Variants in GLRB observed in about 807,000 individuals in gnomAD.
GLRB encodes glycine receptor subunit beta.
GLRB carries 33 observed loss-of-function variants against 54.2 expected under a neutral mutation model. The ratio of observed to expected loss-of-function variants is 0.61; its 90% CI spans 0.46 to 0.81. The LOEUF (loss-of-function observed/expected upper bound fraction) is 0.81. GLRB is among the 40% of genes least tolerant of loss of function. GLRB has a pLI of 0.00. For synonymous variants in GLRB, 209 were observed against 208.2 expected, an observed-to-expected ratio of 1.00 and a Z score of -0.03; for missense variants, 572 against 584.6, an observed-to-expected ratio of 0.98 and a Z score of 0.22.
intron 4 of GLRB, among the ~76,000 whole-genome samples, chr4:157,133,491 T>C (rs559903486): frequency 1.3e-5 from 2 of 152,110 alleles, no homozygotes; most frequent in East Asian, 3.9e-4. Context: ...GTTTTATGTT[T>C]ACATAGCCTT....
chr4:157,121,341 C>T (rs1308318685), intron 3 of GLRB, among the ~76,000 whole-genome samples: 3 of 151,344 alleles, frequency 2.0e-5, no homozygotes. Flanking sequence ...CTTTTTTGTA[C>T]TTTTGATGAA....
At chr4:157,163,409 G>A (rs755161811) in intron 9 of GLRB, among the ~76,000 whole-genome samples, 4 of 152,088 alleles carry the variant, frequency 2.6e-5, no homozygotes, top group Non-Finnish European at 5.9e-5. Context: ...CTCACTCTGG[G>A]AGGGGTAGAC....
intron 2 of GLRB, among the ~76,000 whole-genome samples, chr4:157,117,803 A>G (rs938224090): frequency 6.6e-6 from 1 of 151,734 alleles, no homozygotes; most frequent in Non-Finnish European, 1.5e-5. Flanking sequence ...ACAGATATAT[A>G]GAAGCCATGA....
Position 157,158,303 on chromosome 4 carries a change from T to C in GLRB, c.1197+5293T>C, listed in dbSNP as rs566860320. On this transcript the variant is annotated intron_variant, in intron 9 of 9. Transcript: ENST00000264428. Reference sequence around the variant, plus strand: ...GGTTGCCTGTTCACTCTGATGGTGGTTTCTTTTGCTGTGCAGAAGCTCTTT... The same window carrying C: ...GGTTGCCTGTTCACTCTGATGGTGGCTTCTTTTGCTGTGCAGAAGCTCTTT... Among the ~76,000 whole-genome samples, 73 of 152,302 alleles carry C rather than the reference T, an allele frequency of 4.8e-4. 2 individuals carry two copies. In the South Asian group the frequency reaches 0.015, roughly 32 times the overall value.
chr4:157,077,528 G>GA (rs1734082063), intron 1 of GLRB, among the ~76,000 whole-genome samples: 1 of 151,278 alleles, frequency 6.6e-6, no homozygotes, highest in African/African-American at 2.4e-5. Context: ...CATTATTTTT[G>GA]AAAAAATATA....
At chr4:157,138,731 A>G (rs1175116404) in intron 6 of GLRB, 78 bp from the exon 7 acceptor site, 1 of 780,652 alleles carries the variant, frequency 1.3e-6, no homozygotes, top group South Asian at 1.7e-5. Flanking sequence ...TGCTATGTTT[A>G]AGATTTGAAT....
At chr4:157,082,005 A>T (rs570973426) in intron 2 of GLRB, among the ~76,000 whole-genome samples, 1 of 152,236 alleles carries the variant, frequency 6.6e-6, no homozygotes, top group East Asian at 1.9e-4. Flanking sequence ...GCTCTTTCAC[A>T]TCTCTGCAAG....
Position 157,170,674 on chromosome 4 carries a change from G to T in GLRB, c.1440G>T (p.Leu480Phe). ...AKRIDLYARA[L>F]FPFCFLFFNV... is the part of the protein sequence containing the mutation. Reference sequence around the variant, plus strand: ...GAATTGATCTTTATGCAAGAGCATTGTTTCCTTTCTGCTTCTTGTTCTTCA... The same window carrying T: ...GAATTGATCTTTATGCAAGAGCATTTTTTCCTTTCTGCTTCTTGTTCTTCA... The change falls in exon 10 of 10, where the codon TTG (leucine) becomes TTT (phenylalanine). Residue 480 changes from leucine to phenylalanine, a missense_variant. Transcript: ENST00000264428. 6.2e-7 allele frequency: 1 copy of T among 1,605,006 alleles called. No individual in the cohort carries two copies. Among genetic ancestry groups the T allele is most frequent in the East Asian group, 2.2e-5 (1 of 44,836 alleles).
rs1366587073 is a variant in GLRB at position 157,143,826 on chromosome 4, A to C, written c.771A>C (p.Glu257Asp). The C allele has an allele frequency of 6.2e-7, 1 of 1,613,542 alleles. No individual in the cohort carries two copies. The highest frequency in any genetic ancestry group is 1.1e-5 in the South Asian group (1 of 91,032). Residue 257 changes from glutamate to aspartate, a missense_variant, in exon 8 of 10, where the codon GAA (glutamate) becomes GAC (aspartate). Transcript: ENST00000264428. ...YKGTGYYTCV[E>D]VIFTLRRQVG... Reference sequence around the variant, plus strand: ...TGAAAGGCTACTACACATGCGTGGAAGTCATCTTCACCCTGAGGAGGCAGG... The same window carrying C: ...TGAAAGGCTACTACACATGCGTGGACGTCATCTTCACCCTGAGGAGGCAGG...
At chr4:157,113,901 A>C (rs1735511055) in intron 2 of GLRB, among the ~76,000 whole-genome samples, 1 of 151,988 alleles carries the variant, frequency 6.6e-6, no homozygotes. Flanking sequence ...TTACAGTTTA[A>C]TCTGTGAAAA....
Position 157,079,060 on chromosome 4 carries a change from C to T in GLRB, c.122+914C>T, listed in dbSNP as rs143608842. ...AAGTGCTGGGATTACAGGCGTGGTT[C>T]ACCGCACCTGGCCAAGTCTTTTTTT... On this transcript the variant is annotated intron_variant, in intron 2 of 9. Transcript: ENST00000264428. Among the ~76,000 whole-genome samples the T allele has an allele frequency of 1.9e-3, 291 of 152,316 alleles. 1 individual carries two copies. The highest frequency in any genetic ancestry group is 4.9e-3 in the African/African-American group (205 of 41,570).
chr4:157,137,732 A>T (rs1343296167), intron 6 of GLRB, among the ~76,000 whole-genome samples: 7 of 152,154 alleles, frequency 4.6e-5, no homozygotes, highest in African/African-American at 1.4e-4. Flanking sequence ...GTATGTGTTT[A>T]TATGTTTGCA....
chr4:157,128,397 A>G (rs1186267173), intron 4 of GLRB, among the ~76,000 whole-genome samples: 1 of 151,858 alleles, frequency 6.6e-6, no homozygotes, highest in Non-Finnish European at 1.5e-5. Flanking sequence ...AAAAATGTCC[A>G]AGTTTTGTTT....
chr4:157,151,667 A>C (rs765615787), intron 8 of GLRB, among the ~76,000 whole-genome samples: 1 of 152,096 alleles, frequency 6.6e-6, no homozygotes, highest in Non-Finnish European at 1.5e-5. Context: ...TATATTTTTC[A>C]ATGTTTAACT....
intron 9 of GLRB, among the ~76,000 whole-genome samples, chr4:157,155,243 C>T (rs1737182863): frequency 6.6e-6 from 1 of 152,158 alleles, no homozygotes; most frequent in Admixed American, 6.6e-5. Flanking sequence ...ATCCTCCCAC[C>T]TAAGCCTCCC....
intron 2 of GLRB, among the ~76,000 whole-genome samples, chr4:157,089,568 C>T (rs1028194844): frequency 6.6e-6 from 1 of 152,196 alleles, no homozygotes; most frequent in African/African-American, 2.4e-5. Context: ...AATTTACTCA[C>T]TCCTGGCTCT....
chr4:157,091,352 C>G (rs1462812282), intron 2 of GLRB: 1 of 152,006 alleles, frequency 6.6e-6, no homozygotes, highest in African/African-American at 2.4e-5. Flanking sequence ...TTTCTTTCTG[C>G]TACTATATGA....
chr4:157,151,168 T>C (rs1737008545), intron 8 of GLRB, among the ~76,000 whole-genome samples: 1 of 152,122 alleles, frequency 6.6e-6, no homozygotes, highest in Non-Finnish European at 1.5e-5. Context: ...TGAAATACTA[T>C]GGAAACAGAG....
Position 157,171,456 on chromosome 4 carries a change from T to G in GLRB, c.*728T>G, listed in dbSNP as rs1737919305. 2 of 152,292 alleles carry G rather than the reference T, an allele frequency of 1.3e-5. No individual in the cohort carries two copies. Among genetic ancestry groups the G allele is most frequent in the African/African-American group, 4.8e-5 (2 of 41,444 alleles). The allele number at this position is 152,292 out of a possible 1,614,324, so 9.4% of individuals were successfully genotyped here. ...TATTTAGGATAAACAAAATTCTATT[T>G]AATCCACCTTAAAACCTAAATGTAT... On this transcript the variant is annotated 3_prime_UTR_variant, in exon 10 of 10. Coordinates refer to ENST00000264428, the MANE Select transcript of GLRB (RefSeq NM_000824.5).
Sources: allele counts gnomAD v4.1 joint callset (sites outside exome capture counted in the v4.1 genomes callset), GRCh38; gene constraint gnomAD v4.1.1; transcripts MANE v1.5; gene names NCBI Gene and HGNC (gene_info 2026-07-23, HGNC 2026-07-21).